Variants in ADAMTSL3 observed in about 807,000 individuals in gnomAD.
The protein encoded by ADAMTSL3 is ADAMTS-like protein 3.
ADAMTSL3 carries 128 observed loss-of-function variants against 201.7 expected under a neutral mutation model. The observed-to-expected ratio is 0.63, with a 90% confidence interval of 0.55 to 0.73. The LOEUF (loss-of-function observed/expected upper bound fraction) is 0.73. ADAMTSL3 is among the 30% of genes least tolerant of loss of function. The pLI is 0.00. For synonymous variants in ADAMTSL3, 738 were observed against 748.4 expected (o/e 0.99, Z 0.23); for missense variants, 1,990 against 2,119.6 (o/e 0.94, Z 1.20).
At chr15:83,836,402 C>G (rs2064269573) in intron 6 of ADAMTSL3, among the ~76,000 whole-genome samples, 1 of 152,206 alleles carries the variant, frequency 6.6e-6, no homozygotes, top group South Asian at 2.1e-4. Flanking sequence ...TAATCATAAG[C>G]TATTCTCTAA....
chr15:84,026,126 A>G (rs2068302243), intron 27 of ADAMTSL3, among the ~76,000 whole-genome samples: 1 of 152,212 alleles, frequency 6.6e-6, no homozygotes, highest in Non-Finnish European at 1.5e-5. Flanking sequence ...CCTATGTCAG[A>G]GCATGATGCA....
chr15:83,676,002 T>C (rs989716548), intron 2 of ADAMTSL3, among the ~76,000 whole-genome samples: 5 of 152,174 alleles, frequency 3.3e-5, no homozygotes, highest in African/African-American at 4.8e-5. Flanking sequence ...TATTGCTTAC[T>C]TTTTTCTTTG....
intron 19 of ADAMTSL3, among the ~76,000 whole-genome samples, chr15:83,947,067 C>T (rs1229212058): frequency 6.6e-6 from 1 of 152,224 alleles, no homozygotes; most frequent in Non-Finnish European, 1.5e-5. Context: ...GAGCTTTCTC[C>T]TGTTAGTTAA....
chr15:83,760,603 A>G (rs2062794288), intron 3 of ADAMTSL3, among the ~76,000 whole-genome samples: 1 of 151,960 alleles, frequency 6.6e-6, no homozygotes, highest in African/African-American at 2.4e-5. Context: ...TCCCACCATC[A>G]TTATGGATTT....
chr15:83,982,939 G>C lies in ADAMTSL3; in HGVS notation c.3311G>C (p.Ser1104Thr), dbSNP rs769887631. 6.2e-7 allele frequency: 1 copy of C among 1,614,006 alleles called. No individual in the cohort carries two copies. The highest frequency in any genetic ancestry group is 8.5e-7 in the Non-Finnish European group (1 of 1,180,030). ...AQFDELIRNM[S>T]QLMETGEVSD... is the part of the protein sequence containing the mutation. ...TTTGATGAGCTGATAAGAAACATGA[G>C]TCAGCTCATGGAAACCGGAGAGGTC... The change falls in exon 21 of 30, where the codon AGT (serine) becomes ACT (threonine). Residue 1104 changes from serine to threonine, a missense_variant. By Grantham distance (58) the Ser-to-Thr change is moderately conservative. Transcript: ENST00000286744.
At position 83,942,631 on chromosome 15, in the gene ADAMTSL3, C is replaced by G. The variant is rs765706946; in HGVS notation, c.2153C>G (p.Thr718Ser). ...GGCTCTTGGGGGCCCTGCTCAGCTACCTGTGGAGTTGGAATTCAGACCCGA... is the reference window on the plus strand; with the variant it reads ...GGCTCTTGGGGGCCCTGCTCAGCTAGCTGTGGAGTTGGAATTCAGACCCGA... ...HVGSWGPCSATCGVGIQTRDV... is the reference protein window; with the variant it reads ...HVGSWGPCSASCGVGIQTRDV... Residue 718 changes from threonine (T) to serine (S), a missense_variant, in exon 18 of 30, where the codon ACC becomes AGC. Transcript: ENST00000286744. 3 of 1,613,784 alleles carry G rather than the reference C, an allele frequency of 1.9e-6. No homozygotes were observed. Among genetic ancestry groups the G allele is most frequent in the Non-Finnish European group, 2.5e-6 (3 of 1,179,950 alleles).
At position 83,828,190 on chromosome 15, in the gene ADAMTSL3, CT is replaced by C. The variant is rs1353120163; in HGVS notation, c.600+8147del. On this transcript the variant is annotated intron_variant, in intron 6 of 29. Coordinates refer to ENST00000286744, the MANE Select transcript of ADAMTSL3 (RefSeq NM_207517.3). ...AATGTTCTCCCATTTGTTGTGTCCT[CT>C]TTTATTTCGTTGAGCAGTGGTTTGT... is the stretch of plus-strand genomic sequence containing the variant. Among the ~76,000 whole-genome samples, 5 of 152,306 alleles carry C rather than the reference CT, an allele frequency of 3.3e-5. No individual in the cohort carries two copies. In the East Asian group the frequency reaches 7.7e-4, roughly 23 times the overall value.
intron 17 of ADAMTSL3, 83 bp downstream of exon 17, chr15:83,924,116 C>T: frequency 2.0e-6 from 3 of 1,524,774 alleles, no homozygotes; most frequent in Non-Finnish European, 2.7e-6. Flanking sequence ...TAAGTGCAGA[C>T]TTGTGGCTTC....
Position 83,981,944 on chromosome 15 carries a change from C to T in ADAMTSL3, c.2645-329C>T, listed in dbSNP as rs187738032. On this transcript the variant is annotated intron_variant, in intron 20 of 29. Coordinates refer to ENST00000286744, the MANE Select transcript of ADAMTSL3 (RefSeq NM_207517.3). ...TGAGCATGGCCTAGAACAAATATTC[C>T]TCAAATCTAGAAATAACTATTCCCT... Among the ~76,000 whole-genome samples, 8 of 152,294 alleles carry T rather than the reference C, an allele frequency of 5.3e-5. No homozygotes were observed. In the East Asian group the frequency reaches 1.3e-3, roughly 26 times the overall value.
At chr15:83,677,370 T>G (rs2061421293) in intron 2 of ADAMTSL3, among the ~76,000 whole-genome samples, 1 of 152,196 alleles carries the variant, frequency 6.6e-6, no homozygotes, top group Non-Finnish European at 1.5e-5. Context: ...GAGAGAGAGA[T>G]GATGAAATCC....
intron 3 of ADAMTSL3, among the ~76,000 whole-genome samples, chr15:83,763,411 A>AT (rs553492637): frequency 0.028 from 3,989 of 141,822 alleles, 149 homozygotes; most frequent in African/African-American, 0.087. Context: ...AGAAATCTAG[A>AT]TTTTTTTTTT....
At chr15:83,950,766 T>C (rs946025410) in intron 19 of ADAMTSL3, among the ~76,000 whole-genome samples, 1 of 151,974 alleles carries the variant, frequency 6.6e-6, no homozygotes, top group Non-Finnish European at 1.5e-5. Context: ...TTTGTAGCTA[T>C]TGTAAATGGG....
At chr15:83,728,376 T>C (rs993381724) in intron 3 of ADAMTSL3, among the ~76,000 whole-genome samples, 2 of 151,912 alleles carry the variant, frequency 1.3e-5, no homozygotes, top group African/African-American at 4.8e-5. Context: ...TTTGTAAGTA[T>C]GGACTTTTGC....
intron 7 of ADAMTSL3, among the ~76,000 whole-genome samples, chr15:83,855,456 A>G (rs771251277): frequency 6.6e-6 from 1 of 152,194 alleles, no homozygotes; most frequent in Non-Finnish European, 1.5e-5. Context: ...TAAACCAAAG[A>G]CAGCTTTGTG....
At chr15:83,738,326 TATTA>T (rs1259331059) in intron 3 of ADAMTSL3, among the ~76,000 whole-genome samples, 4 of 152,236 alleles carry the variant, frequency 2.6e-5, no homozygotes, top group African/African-American at 9.6e-5. Flanking sequence ...AAGCCAATGT[TATTA>T]ATTCTTGGGT....
chr15:83,916,362 A>G lies in ADAMTSL3; in HGVS notation c.1987+2984A>G, dbSNP rs1280563079. ...TGAAATGAGCCTTGGACACCTACTA[A>G]CCCAAATTTTATAGTTGAGGAAGCT... On this transcript the variant is annotated intron_variant, in intron 16 of 29. Transcript: ENST00000286744. Among the ~76,000 whole-genome samples the G allele has an allele frequency of 3.3e-5, 5 of 152,234 alleles. No homozygotes were observed. The East Asian group carries it at 9.7e-4, about 29-fold the overall frequency.
chr15:83,743,506 C>T (rs908358133), intron 3 of ADAMTSL3, among the ~76,000 whole-genome samples: 6 of 130,798 alleles, frequency 4.6e-5, no homozygotes, highest in East Asian at 4.3e-4. Context: ...GGAGACAGAG[C>T]GAGACTCCGT....
chr15:83,825,407 T>A (rs1343224821), intron 6 of ADAMTSL3, among the ~76,000 whole-genome samples: 1 of 152,154 alleles, frequency 6.6e-6, no homozygotes, highest in Non-Finnish European at 1.5e-5. Flanking sequence ...GCCTAGGAGT[T>A]CGAGACCAGC....
chr15:83,916,746 G>A (rs971691836), intron 16 of ADAMTSL3, among the ~76,000 whole-genome samples: 5 of 151,540 alleles, frequency 3.3e-5, no homozygotes, highest in African/African-American at 1.2e-4. Context: ...AGGAGTTGGA[G>A]ATCAATCTGG....
Sources: gnomAD v4.1 joint callset for allele counts (sites outside exome capture counted in the v4.1 genomes callset) on GRCh38, gnomAD v4.1.1 for gene constraint, MANE v1.5 for transcripts, NCBI Gene and HGNC (gene_info 2026-07-23, HGNC 2026-07-21) for gene names.